The following SEMA6D variants were observed in gnomAD, a reference collection of about 807,000 sequenced individuals.
SEMA6D encodes semaphorin-6D.
Under a neutral mutation model 106.6 loss-of-function variants are expected in SEMA6D, and 35 were observed. The ratio of observed to expected loss-of-function variants is 0.33; its 90% confidence interval spans 0.25 to 0.44. The LOEUF is 0.44. Ranked by LOEUF, SEMA6D falls within the 20% of genes least tolerant of loss-of-function variation. SEMA6D has a pLI of 1.00. For synonymous variants in SEMA6D, 499 were observed against 487.7 expected (o/e 1.02, Z -0.31); for missense variants, 1,185 against 1,345.9 (o/e 0.88, Z 1.87).
At chr15:47,263,596 G>A (rs2034178754) in intron 1 of SEMA6D, among the ~76,000 whole-genome samples, 1 of 152,020 alleles carries the variant, frequency 6.6e-6, no homozygotes, top group Non-Finnish European at 1.5e-5. Flanking sequence ...TACACTGCTG[G>A]TGAGAGTGTA....
intron 4 of SEMA6D, among the ~76,000 whole-genome samples, chr15:47,616,514 G>A (rs1223953621): frequency 3.3e-5 from 5 of 150,658 alleles, no homozygotes; most frequent in Non-Finnish European, 2.9e-5. Flanking sequence ...TGACACAATG[G>A]TAGGTGTTTA....
chr15:47,269,936 G>A (rs997675585), intron 1 of SEMA6D, among the ~76,000 whole-genome samples: 54 of 151,670 alleles, frequency 3.6e-4, no homozygotes, highest in African/African-American at 1.3e-3. Context: ...GAGGTCACTT[G>A]AAATTTAGTT....
chr15:47,607,101 G>C (rs952031894), intron 4 of SEMA6D, among the ~76,000 whole-genome samples: 1 of 142,888 alleles, frequency 7.0e-6, no homozygotes, highest in Non-Finnish European at 1.5e-5. Context: ...ATAAGGACTT[G>C]ATCAGATAGA....
At chr15:47,189,062 C>T (rs984755499) in intron 1 of SEMA6D, among the ~76,000 whole-genome samples, 4 of 152,102 alleles carry the variant, frequency 2.6e-5, no homozygotes, top group African/African-American at 9.7e-5. Context: ...CACACTAAGA[C>T]TTAAGTAGTC....
chr15:47,624,708 A>G lies in SEMA6D; in HGVS notation c.-55+23812A>G, dbSNP rs1350607687. Among the ~76,000 whole-genome samples, 3 of 152,228 alleles carry G rather than the reference A, an allele frequency of 2.0e-5. No homozygotes were observed. The South Asian group carries it at 6.2e-4, about 32-fold the overall frequency. On this transcript the variant is annotated intron_variant, in intron 4 of 19. Coordinates refer to the SEMA6D transcript ENST00000558014. Reference sequence around the variant, plus strand: ...ACCATGAGATAAATGTGAGTCAGCAATGAAGTGCCATTACAGGAAGAAAAT... The same window carrying G: ...ACCATGAGATAAATGTGAGTCAGCAGTGAAGTGCCATTACAGGAAGAAAAT...
At chr15:47,241,409 G>A (rs960874547) in intron 1 of SEMA6D, 1 of 151,892 alleles carries the variant, frequency 6.6e-6, no homozygotes, top group African/African-American at 2.4e-5. Context: ...AATGCGACAT[G>A]TTTTTGTTGT....
At chr15:47,382,450 T>C (rs1165334785) in intron 1 of SEMA6D, among the ~76,000 whole-genome samples, 2 of 151,954 alleles carry the variant, frequency 1.3e-5, no homozygotes, top group Non-Finnish European at 2.9e-5. Context: ...GAGGTTGCAG[T>C]GAGCTGAGAC....
At chr15:47,556,234 C>T (rs2142541410) in intron 3 of SEMA6D, among the ~76,000 whole-genome samples, 1 of 152,234 alleles carries the variant, frequency 6.6e-6, no homozygotes, top group South Asian at 2.1e-4. Flanking sequence ...AGAAAATTAT[C>T]CCGCAATCCC....
At chr15:47,213,555 T>C (rs2030255078) in intron 1 of SEMA6D, among the ~76,000 whole-genome samples, 1 of 152,206 alleles carries the variant, frequency 6.6e-6, no homozygotes, top group South Asian at 2.1e-4. Flanking sequence ...CCACTATGAC[T>C]AGGCTAAATC....
rs1195570300 is a variant in SEMA6D at position 47,500,709 on chromosome 15, A to G, written c.-87+30164A>G. Reference sequence around the variant, plus strand: ...TAGATCCATACTTTGATAATTTGTCACTTCTGCTCTTCTAAATCTATTTCA... The same window carrying G: ...TAGATCCATACTTTGATAATTTGTCGCTTCTGCTCTTCTAAATCTATTTCA... On this transcript the variant is annotated intron_variant, in intron 3 of 19. Transcript: ENST00000558014. 8.5e-5 allele frequency among the ~76,000 whole-genome samples: 13 copies of G among 152,146 alleles called. 1 individual carries two copies. The highest frequency in any genetic ancestry group is 8.5e-4 in the Admixed American group (13 of 15,266).
At chr15:47,613,271 AT>A (rs2076946387) in intron 4 of SEMA6D, among the ~76,000 whole-genome samples, 1 of 152,198 alleles carries the variant, frequency 6.6e-6, no homozygotes, top group African/African-American at 2.4e-5. Flanking sequence ...TTATTCATTC[AT>A]TAGGTTACAT....
intron 4 of SEMA6D, among the ~76,000 whole-genome samples, chr15:47,612,237 C>T (rs540021290): frequency 6.6e-6 from 1 of 152,152 alleles, no homozygotes; most frequent in Non-Finnish European, 1.5e-5. Flanking sequence ...TAATTGGCCC[C>T]TTAAAAGAAT....
At chr15:47,247,286 TA>T (rs1337674297) in intron 1 of SEMA6D, among the ~76,000 whole-genome samples, 1 of 152,176 alleles carries the variant, frequency 6.6e-6, no homozygotes, top group African/African-American at 2.4e-5. Flanking sequence ...GCAGGTTATT[TA>T]AATTCATCTG....
chr15:47,566,353 G>T (rs1361516506), intron 3 of SEMA6D, among the ~76,000 whole-genome samples: 2 of 152,204 alleles, frequency 1.3e-5, no homozygotes, highest in African/African-American at 2.4e-5. Context: ...GGAGAGAGTA[G>T]GAGGCAGACA....
intron 2 of SEMA6D, among the ~76,000 whole-genome samples, chr15:47,421,743 A>C (rs1038667552): frequency 7.2e-5 from 11 of 152,006 alleles, no homozygotes; most frequent in African/African-American, 2.7e-4. Flanking sequence ...TGTATGACAA[A>C]AACTAAATAT....
intron 3 of SEMA6D, among the ~76,000 whole-genome samples, chr15:47,489,630 G>A (rs941397361): frequency 2.0e-5 from 3 of 151,914 alleles, no homozygotes; most frequent in African/African-American, 7.3e-5. Context: ...CATACCAATT[G>A]CATGTCAAGT....
intron 1 of SEMA6D, among the ~76,000 whole-genome samples, chr15:47,365,276 C>G (rs971428079): frequency 6.6e-6 from 1 of 152,170 alleles, no homozygotes; most frequent in Non-Finnish European, 1.5e-5. Flanking sequence ...TTCTCCCTTG[C>G]TTAGCATATG....
chr15:47,296,399 A>G (rs975279405), intron 1 of SEMA6D, among the ~76,000 whole-genome samples: 2 of 152,216 alleles, frequency 1.3e-5, no homozygotes, highest in African/African-American at 2.4e-5. Context: ...TGAAAAATCA[A>G]TACAACATAA....
chr15:47,232,160 T>G (rs1392681328), intron 1 of SEMA6D, among the ~76,000 whole-genome samples: 2 of 152,066 alleles, frequency 1.3e-5, no homozygotes, highest in African/African-American at 4.8e-5. Context: ...TGAAGGTTTT[T>G]CCATGTTGCA....
Sources: gnomAD v4.1 joint callset for allele counts (sites outside exome capture counted in the v4.1 genomes callset) on GRCh38, gnomAD v4.1.1 for gene constraint, MANE v1.5 for transcripts, NCBI Gene and HGNC (gene_info 2026-07-23, HGNC 2026-07-21) for gene names.